The following NAT1 variants were observed in gnomAD, a reference collection of about 807,000 sequenced individuals.
NAT1 encodes N-acetyltransferase 1.
For missense variants in NAT1, 400 were observed against 339.2 expected (o/e 1.18, Z -1.41); for synonymous variants, 144 against 122.6 (o/e 1.17, Z -1.16).
Position 18,176,599 on chromosome 8 carries a change from T to TTTG in NAT1, n.92+5862_92+5863insGTT, listed in dbSNP as rs751233812. ...ATGCCAGTGCCATGCTGTTTTTTTG[T>TTTG]TTTGTTTTGTTTTTACAATACATTC... On this transcript the variant is annotated intron_variant and non_coding_transcript_variant, in intron 2 of 4. Coordinates refer to the NAT1 transcript ENST00000517441. Among the ~76,000 whole-genome samples the TTTG allele has an allele frequency of 2.9e-4, 26 of 89,820 alleles. 1 individual carries two copies. Among genetic ancestry groups the TTTG allele is most frequent in the African/African-American group, 6.1e-4 (12 of 19,688 alleles). 58.9% of individuals were successfully genotyped at this position (89,820 alleles called of 152,430 possible). A position where few individuals can be genotyped will look rare whatever the true frequency, so the allele number is the denominator to read the frequency against.
At chr8:18,171,637 C>T (rs1207736526) in intron 2 of NAT1, among the ~76,000 whole-genome samples, 1 of 151,994 alleles carries the variant, frequency 6.6e-6, no homozygotes, top group Admixed American at 6.6e-5. Flanking sequence ...AACAAAAAAA[C>T]CTCCAAAAGA....
chr8:18,212,133 G>A (rs1477132456), intron 1 of NAT1: 1 of 152,154 alleles, frequency 6.6e-6, no homozygotes, highest in Non-Finnish European at 1.5e-5. Flanking sequence ...AACACACATC[G>A]ATTCTAGAGA....
chr8:18,220,093 T>G (rs1383072907), intron 2 of NAT1, among the ~76,000 whole-genome samples: 1 of 152,152 alleles, frequency 6.6e-6, no homozygotes, highest in African/African-American at 2.4e-5. Context: ...GTACAAATTC[T>G]AGGTGAGGGG....
At chr8:18,171,802 A>G (rs765027401) in intron 2 of NAT1, among the ~76,000 whole-genome samples, 4 of 152,212 alleles carry the variant, frequency 2.6e-5, no homozygotes, top group African/African-American at 4.8e-5. Context: ...GGACTGAAAC[A>G]GTATTAACTT....
chr8:18,193,694 T>A (rs1173944271), intron 2 of NAT1, among the ~76,000 whole-genome samples: 1 of 123,390 alleles, frequency 8.1e-6, no homozygotes, highest in Non-Finnish European at 1.6e-5. Context: ...CAGGCTGGAG[T>A]GCAATGGTAC....
At chr8:18,192,165 A>G (rs1196738819) in intron 2 of NAT1, among the ~76,000 whole-genome samples, 1 of 152,042 alleles carries the variant, frequency 6.6e-6, no homozygotes, top group East Asian at 1.9e-4. Flanking sequence ...CAACCCCATC[A>G]AAAAGTGGGC....
intron 2 of NAT1, among the ~76,000 whole-genome samples, chr8:18,190,679 T>C (rs1013818173): frequency 4.6e-5 from 7 of 152,198 alleles, no homozygotes; most frequent in Non-Finnish European, 7.3e-5. Flanking sequence ...AGGCCAGTTT[T>C]ATGCCTTCTG....
At chr8:18,190,738 T>C (rs998605210) in intron 2 of NAT1, among the ~76,000 whole-genome samples, 1 of 152,070 alleles carries the variant, frequency 6.6e-6, no homozygotes, top group African/African-American at 2.4e-5. Flanking sequence ...TGTCATACTT[T>C]AAGAATAAAA....
intron 2 of NAT1, among the ~76,000 whole-genome samples, chr8:18,200,112 T>A (rs1803399854): frequency 6.6e-6 from 1 of 152,170 alleles, no homozygotes; most frequent in Non-Finnish European, 1.5e-5. Context: ...GTTAGTTCAG[T>A]CACTGTAGAA....
rs150952718 is a variant in NAT1, at chr8:18,216,617, T to C, written c.-85-2794T>C. Among the ~76,000 whole-genome samples, 6 of 152,242 alleles carry C rather than the reference T, an allele frequency of 3.9e-5. No individual in the cohort carries two copies. In the East Asian group the frequency reaches 9.7e-4, roughly 25 times the overall value. ...AGTGGCATCGCTTATAGGTCTGTCC[T>C]GGGGGTGAGAAGTTGGTCAGTCATC... On this transcript the variant is annotated intron_variant, in intron 1 of 2. Coordinates refer to ENST00000307719, the MANE Select transcript of NAT1 (RefSeq NM_000662.8).
At chr8:18,197,842 C>T (rs1333257445) in intron 2 of NAT1, among the ~76,000 whole-genome samples, 1 of 150,662 alleles carries the variant, frequency 6.6e-6, no homozygotes, top group Non-Finnish European at 1.5e-5. Context: ...CAATAAGACA[C>T]GAAGGGGGAT....
At chr8:18,188,924 G>A (rs1439461361) in intron 2 of NAT1, among the ~76,000 whole-genome samples, 3 of 144,718 alleles carry the variant, frequency 2.1e-5, no homozygotes, top group African/African-American at 7.6e-5. Context: ...GAACCCGAGA[G>A]GTGGAGACTG....
chr8:18,216,857 CATA>C (rs1399337355), intron 1 of NAT1: 3 of 1,458,896 alleles, frequency 2.1e-6, no homozygotes, highest in African/African-American at 1.4e-5. Flanking sequence ...CATAAGAACT[CATA>C]ATTATTTCTT....
At chr8:18,190,155 T>C (rs889137397) in intron 2 of NAT1, among the ~76,000 whole-genome samples, 1 of 152,200 alleles carries the variant, frequency 6.6e-6, no homozygotes, top group Non-Finnish European at 1.5e-5. Flanking sequence ...AAGAACCTGA[T>C]GAGTGAGATG....
chr8:18,211,637 T>C (rs1804113791), intron 1 of NAT1, among the ~76,000 whole-genome samples: 1 of 152,134 alleles, frequency 6.6e-6, no homozygotes, highest in Non-Finnish European at 1.5e-5. Flanking sequence ...TGAGTGGCCT[T>C]CTGGACAAGA....
At chr8:18,191,791 G>A (rs1175158985) in intron 2 of NAT1, among the ~76,000 whole-genome samples, 2 of 151,120 alleles carry the variant, frequency 1.3e-5, no homozygotes, top group African/African-American at 2.4e-5. Context: ...GCCATATGTA[G>A]AAAGCTGAAA....
intron 2 of NAT1, among the ~76,000 whole-genome samples, chr8:18,174,357 T>C (rs1208234606): frequency 6.6e-6 from 1 of 152,110 alleles, no homozygotes; most frequent in Non-Finnish European, 1.5e-5. Context: ...ATCATTATTT[T>C]AGCTTTCCAC....
At chr8:18,198,661 T>C (rs977942430) in intron 2 of NAT1, among the ~76,000 whole-genome samples, 1 of 152,218 alleles carries the variant, frequency 6.6e-6, no homozygotes, top group Non-Finnish European at 1.5e-5. Context: ...AAATTGTATA[T>C]ATTTAAGGTG....
chr8:18,183,740 G>C (rs1158361085), intron 2 of NAT1, among the ~76,000 whole-genome samples: 1 of 152,172 alleles, frequency 6.6e-6, no homozygotes, highest in African/African-American at 2.4e-5. Context: ...TGGTGGGACA[G>C]GCACAGGATA....
Sources: gnomAD v4.1 joint callset for allele counts (sites outside exome capture counted in the v4.1 genomes callset) on GRCh38, gnomAD v4.1.1 for gene constraint, MANE v1.5 for transcripts, NCBI Gene and HGNC (gene_info 2026-07-23, HGNC 2026-07-21) for gene names.